SIPA1L2: variants seen among roughly 807,000 people sequenced by gnomAD.
SIPA1L2 encodes the protein signal-induced proliferation-associated 1-like protein 2.
SIPA1L2 carries 56 observed loss-of-function variants against 163.9 expected under a neutral mutation model. The ratio of observed to expected loss-of-function variants is 0.34; its 90% confidence interval spans 0.28 to 0.43. SIPA1L2 has a LOEUF of 0.43. SIPA1L2 is among the 20% of genes least tolerant of loss of function. SIPA1L2 has a pLI of 1.00. For synonymous variants in SIPA1L2, 877 were observed against 865.7 expected, an observed-to-expected ratio of 1.01 and a Z score of -0.23; for missense variants, 1,974 against 2,193.5, an observed-to-expected ratio of 0.90 and a Z score of 2.00.
intron 2 of SIPA1L2, among the ~76,000 whole-genome samples, chr1:232,536,071 G>C (rs929184744): frequency 6.6e-6 from 1 of 152,212 alleles, no homozygotes; most frequent in Non-Finnish European, 1.5e-5. Context: ...ACCTGCCAAG[G>C]AATCTGGTGA....
chr1:232,444,196 T>C (rs147868441), intron 11 of SIPA1L2, among the ~76,000 whole-genome samples: 16 of 152,334 alleles, frequency 1.1e-4, no homozygotes, highest in African/African-American at 3.1e-4. Flanking sequence ...AAAATACTCA[T>C]GAAAACTCAC....
chr1:232,416,197 G>T (rs1441755171), intron 18 of SIPA1L2, among the ~76,000 whole-genome samples: 2 of 152,178 alleles, frequency 1.3e-5, no homozygotes, highest in Non-Finnish European at 2.9e-5. Context: ...TCCCCTCCCA[G>T]TGAGTCAGTC....
At chr1:232,471,619 A>AT in intron 7 of SIPA1L2, 91 bp from the exon 8 acceptor site, 5 of 1,188,672 alleles carry the variant, frequency 4.2e-6, no homozygotes, top group Non-Finnish European at 5.6e-6. Flanking sequence ...TGAAGGAGTG[A>AT]TTTTTAAAAA....
intron 2 of SIPA1L2, among the ~76,000 whole-genome samples, chr1:232,537,760 A>T (rs561187587): frequency 1.3e-5 from 2 of 152,270 alleles, no homozygotes; most frequent in African/African-American, 4.8e-5. Context: ...AATTAATAGG[A>T]CCTAACTCAC....
chr1:232,596,915 G>A lies in SIPA1L2; in HGVS notation c.-318-22693C>T, dbSNP rs150782199. On this transcript the variant is annotated intron_variant, in intron 1 of 22. Coordinates refer to ENST00000674635, the MANE Select transcript of SIPA1L2 (RefSeq NM_020808.5). ...TGCTCAAGGACCAGGCCACCGTGCA[G>A]GCAACATGCCACCTGGGCCCAGTAA... 4.9e-3 allele frequency among the ~76,000 whole-genome samples: 741 copies of A among 152,300 alleles called. 1 individual carries two copies. The highest frequency in any genetic ancestry group is 7.7e-3 in the Non-Finnish European group (524 of 68,038).
At chr1:232,461,233 G>C in intron 9 of SIPA1L2, 72 bp from the exon 10 acceptor site, 1 of 1,557,218 alleles carries the variant, frequency 6.4e-7, no homozygotes, top group South Asian at 1.2e-5. Context: ...AAAGGTGCAC[G>C]TATGGGCCTC....
intron 3 of SIPA1L2, among the ~76,000 whole-genome samples, chr1:232,498,783 C>T (rs1213101107): frequency 6.6e-6 from 1 of 152,146 alleles, no homozygotes; most frequent in African/African-American, 2.4e-5. Flanking sequence ...CCAGCCAGGT[C>T]CCGCCTGGAT....
intron 1 of SIPA1L2, among the ~76,000 whole-genome samples, chr1:232,574,834 T>C (rs140930833): frequency 2.6e-5 from 4 of 152,328 alleles, no homozygotes; most frequent in African/African-American, 4.8e-5. Context: ...ATATTAGGTA[T>C]GCAGTGCTAC....
chr1:232,414,548 G>A (rs1391121991), intron 19 of SIPA1L2, among the ~76,000 whole-genome samples: 1 of 152,106 alleles, frequency 6.6e-6, no homozygotes, highest in Non-Finnish European at 1.5e-5. Flanking sequence ...GAGAAGGAAG[G>A]GCCCTGAGGC....
chr1:232,569,693 G>A (rs192108667), intron 2 of SIPA1L2, among the ~76,000 whole-genome samples: 3 of 152,246 alleles, frequency 2.0e-5, no homozygotes, highest in Admixed American at 2.0e-4. Context: ...CATGCCTGTA[G>A]TCCCAGCTAC....
At chr1:232,487,627 T>C (rs1335075062) in intron 5 of SIPA1L2, among the ~76,000 whole-genome samples, 1 of 152,148 alleles carries the variant, frequency 6.6e-6, no homozygotes, top group African/African-American at 2.4e-5. Context: ...GATAGCCTTT[T>C]TAAAAAGGAA....
intron 22 of SIPA1L2, among the ~76,000 whole-genome samples, chr1:232,401,796 A>G (rs998207580): frequency 1.3e-5 from 2 of 152,156 alleles, no homozygotes; most frequent in Non-Finnish European, 2.9e-5. Flanking sequence ...CCAAACCATC[A>G]CAACAAAAAC....
At chr1:232,534,399 C>T (rs1657176971) in intron 2 of SIPA1L2, among the ~76,000 whole-genome samples, 1 of 152,124 alleles carries the variant, frequency 6.6e-6, no homozygotes, top group Non-Finnish European at 1.5e-5. Flanking sequence ...AAAAATGGAT[C>T]AAAGGCCTAA....
At chr1:232,572,772 T>A (rs866338424) in intron 2 of SIPA1L2, among the ~76,000 whole-genome samples, 4 of 70,462 alleles carry the variant, frequency 5.7e-5, no homozygotes, top group Admixed American at 1.7e-4. Flanking sequence ...TATATATATA[T>A]ATATATATTT....
At chr1:232,455,982 A>G (rs4649264) in intron 10 of SIPA1L2, among the ~76,000 whole-genome samples, 46,402 of 151,878 alleles carry the variant, frequency 0.31, 7,745 homozygotes, top group East Asian at 0.58. Context: ...TGAGGATGGA[A>G]AAACTGCCTG....
At chr1:232,482,997 G>C (rs1415637507) in intron 6 of SIPA1L2, among the ~76,000 whole-genome samples, 1 of 152,114 alleles carries the variant, frequency 6.6e-6, no homozygotes, top group Admixed American at 6.5e-5. Context: ...TTTCCAATAT[G>C]CATCAAATTA....
chr1:232,620,487 A>G (rs982312350), intron 1 of SIPA1L2, among the ~76,000 whole-genome samples: 1 of 152,236 alleles, frequency 6.6e-6, no homozygotes, highest in African/African-American at 2.4e-5. Flanking sequence ...CTTGTTCCTC[A>G]TTCCATGCAC....
intron 2 of SIPA1L2, among the ~76,000 whole-genome samples, chr1:232,524,201 T>A (rs1003020129): frequency 1.3e-5 from 2 of 152,178 alleles, no homozygotes; most frequent in Admixed American, 1.3e-4. Context: ...GGGAAGAGTA[T>A]GAAAGATGAA....
At chr1:232,598,531 G>A (rs1661406411) in intron 1 of SIPA1L2, among the ~76,000 whole-genome samples, 1 of 152,178 alleles carries the variant, frequency 6.6e-6, no homozygotes, top group Admixed American at 6.5e-5. Flanking sequence ...TGTTCAAGCT[G>A]CTATAACAAA....
Sources: allele counts gnomAD v4.1 joint callset (sites outside exome capture counted in the v4.1 genomes callset), GRCh38; gene constraint gnomAD v4.1.1; transcripts MANE v1.5; gene names NCBI Gene and HGNC (gene_info 2026-07-23, HGNC 2026-07-21).